Variants in MCM3AP observed in about 807,000 individuals in gnomAD.
MCM3AP encodes germinal-center associated nuclear protein.
Under a neutral mutation model 184.1 loss-of-function variants are expected in MCM3AP, and 126 were observed. The ratio of observed to expected loss-of-function variants is 0.68; its 90% CI spans 0.59 to 0.79. MCM3AP has a LOEUF of 0.79. Among genes scored for constraint, MCM3AP ranks in the 30% least tolerant of loss-of-function variants. MCM3AP has a pLI of 0.00. For synonymous variants in MCM3AP, 1,002 were observed against 979.3 expected, an observed-to-expected ratio of 1.02 and a Z score of -0.43; for missense variants, 2,496 against 2,479.2, an observed-to-expected ratio of 1.01 and a Z score of -0.14.
intron 13 of MCM3AP, among the ~76,000 whole-genome samples, chr21:46,263,826 C>G (rs1204431878): frequency 1.5e-5 from 2 of 134,906 alleles, no homozygotes; most frequent in South Asian, 5.0e-4. Flanking sequence ...ACAGTACCAC[C>G]CAGAACAATC....
intron 18 of MCM3AP, 123 bp downstream of exon 18, chr21:46,254,653 G>A (rs2080920997): frequency 7.0e-7 from 1 of 1,428,450 alleles, no homozygotes. Flanking sequence ...CTGCAAACTA[G>A]AAACCAAGTC....
At chr21:46,241,094 T>C (rs1258740199) in intron 25 of MCM3AP, 77 bp from the exon 26 acceptor site, 1 of 1,058,810 alleles carries the variant, frequency 9.4e-7, no homozygotes, top group Admixed American at 1.8e-5. Context: ...TGTAGATACA[T>C]TTGCACATGT....
intron 9 of MCM3AP, 43 bp from the exon 10 acceptor site, chr21:46,267,185 C>T: frequency 6.3e-7 from 1 of 1,577,990 alleles, no homozygotes; most frequent in Non-Finnish European, 8.6e-7. Context: ...GACGAAGGCC[C>T]AGTCAGACAC....
Position 46,246,791 on chromosome 21 carries a change from G to A in MCM3AP, c.4386C>T (p.Pro1462=), listed in dbSNP as rs759887452. 11 of 1,614,190 alleles carry A rather than the reference G, an allele frequency of 6.8e-6. No homozygotes were observed. Among genetic ancestry groups the A allele is most frequent in the African/African-American group, 1.3e-5 (1 of 75,040 alleles). The change falls in exon 21 of 28, where the codon CCC becomes CCT. Residue 1462 remains proline (P), a synonymous_variant. Coordinates refer to ENST00000291688, the MANE Select transcript of MCM3AP (RefSeq NM_003906.5). ...CTGCCATGTCCTCACTCTTCATTTT[G>A]GGGGGAAGCAGCAGCATGAGCCCAC... The part of the protein sequence containing the change: ...GASGLMLLLP[P]KMKSEDMAEE...
chr21:46,254,367 C>T, intron 19 of MCM3AP, 25 bp downstream of exon 19: 1 of 1,612,870 alleles, frequency 6.2e-7, no homozygotes, highest in Non-Finnish European at 8.5e-7. Flanking sequence ...TCTTGGAAAC[C>T]CCACAGGGGA....
chr21:46,272,513 C>T, intron 8 of MCM3AP, 48 bp downstream of exon 8: 1 of 1,578,536 alleles, frequency 6.3e-7, no homozygotes, highest in Non-Finnish European at 8.6e-7. Flanking sequence ...CTGTTTAAAG[C>T]CTGCCTTTTC....
In MCM3AP at chr21:46,274,745, G is replaced by C. The variant is rs140830255; in HGVS notation, c.1998+441C>G. On this transcript the variant is annotated intron_variant, in intron 6 of 27. Transcript: ENST00000291688. ...GAGCTTAGGAGTTCGGGACCAGCCT[G>C]GGCAACACGGCAAGACCCCATCGCT... is the stretch of plus-strand genomic sequence containing the variant. Among the ~76,000 whole-genome samples the C allele has an allele frequency of 4.1e-3, 623 of 152,074 alleles. 5 individuals carry two copies. Among genetic ancestry groups the C allele is most frequent in the African/African-American group, 0.014 (586 of 41,472 alleles).
At chr21:46,243,001 ACACAC>A in intron 24 of MCM3AP, 70 bp from the exon 25 acceptor site, 1 of 1,283,234 alleles carries the variant, frequency 7.8e-7, no homozygotes, top group Non-Finnish European at 1.0e-6. Flanking sequence ...AAAAAAAAAC[ACACAC>A]AAAAAAACAA....
At chr21:46,237,333 C>A (rs2080560369) in intron 26 of MCM3AP, among the ~76,000 whole-genome samples, 1 of 152,050 alleles carries the variant, frequency 6.6e-6, no homozygotes, top group Non-Finnish European at 1.5e-5. Flanking sequence ...GAACTCCTGA[C>A]CTCAGGTGAT....
chr21:46,261,734 A>C (rs2081044727), intron 13 of MCM3AP, among the ~76,000 whole-genome samples: 1 of 21,866 alleles, frequency 4.6e-5, no homozygotes, highest in South Asian at 1.5e-3. Flanking sequence ...CTCTGTCTCA[A>C]AAAAAAAAAA....
chr21:46,262,312 G>GC (rs1279996283), intron 13 of MCM3AP, among the ~76,000 whole-genome samples: 2 of 152,182 alleles, frequency 1.3e-5, no homozygotes, highest in African/African-American at 4.8e-5. Flanking sequence ...TATGAGGCTA[G>GC]CATTGCTCTA....
At chr21:46,247,017 A>G (rs1364987233) in intron 20 of MCM3AP, 131 bp from the exon 21 acceptor site, 3 of 870,766 alleles carry the variant, frequency 3.4e-6, no homozygotes, top group Non-Finnish European at 5.4e-6. Flanking sequence ...ACAGGCCTCC[A>G]AGGGCACAGC....
intron 13 of MCM3AP, 49 bp from the exon 14 acceptor site, chr21:46,261,460 T>G (rs772465951): frequency 7.5e-6 from 12 of 1,592,602 alleles, no homozygotes; most frequent in Non-Finnish European, 9.4e-6. Context: ...CAAGGCCGGG[T>G]GCGGTGGCTC....
intron 25 of MCM3AP, 73 bp from the exon 26 acceptor site, chr21:46,241,090 T>A: frequency 8.9e-7 from 1 of 1,118,480 alleles, no homozygotes; most frequent in South Asian, 1.3e-5. Flanking sequence ...AGCATGTAGA[T>A]ACATTTGCAC....
chr21:46,277,657 G>C lies in MCM3AP; in HGVS notation c.1728C>G (p.Asp576Glu), dbSNP rs752039396. Residue 576 changes from aspartate (D) to glutamate (E), a missense_variant, in exon 5 of 28, where the codon GAC (aspartate) becomes GAG (glutamate). Asp to Glu is a conservative substitution (Grantham distance 45). Around this residue, in one of 5 missense-constraint regions of MCM3AP, gnomAD observed 800 missense variants for 717.1 expected, o/e 1.12. Coordinates refer to ENST00000291688, the MANE Select transcript of MCM3AP (RefSeq NM_003906.5). Reference sequence around the variant, plus strand: ...GGCCCTCGGAGCCCTCGGAGGCTGAGTCAAAAGAGTCTCCCTCGAATTGGT... The same window carrying C: ...GGCCCTCGGAGCCCTCGGAGGCTGACTCAAAAGAGTCTCCCTCGAATTGGT... ...KAHQFEGDSF[D>E]SASEGSEGLG... is the part of the protein sequence containing the mutation. The C allele has an allele frequency of 6.8e-6, 11 of 1,609,306 alleles. No homozygotes were observed. The Admixed American group carries it at 1.7e-4, about 25-fold the overall frequency.
chr21:46,271,349 G>A (rs1440380181), intron 8 of MCM3AP, among the ~76,000 whole-genome samples: 6 of 143,468 alleles, frequency 4.2e-5, no homozygotes, highest in Non-Finnish European at 9.1e-5. Context: ...TTTTTTAAGA[G>A]ATAGGGTCTT....
Position 46,259,042 on chromosome 21 carries a change from C to T in MCM3AP, c.3631G>A (p.Asp1211Asn). The T allele has an allele frequency of 6.2e-7, 1 of 1,614,130 alleles. No homozygotes were observed. The highest frequency in any genetic ancestry group is 8.5e-7 in the Non-Finnish European group (1 of 1,180,020). ...AAGTCCACTAAGTGGGCACAGACAT[C>T]CTCACAGCAACGGGCCACACGGACC... ...QRVRVARCCE[D>N]VCAHLVDLFL... is the part of the protein sequence containing the mutation. The change falls in exon 16 of 28, where the codon GAT (aspartate) becomes AAT (asparagine). Residue 1211 changes from aspartate to asparagine, a missense_variant. By Grantham distance (23) the Asp-to-Asn change is conservative (BLOSUM62 1). This residue lies in a region of MCM3AP where 1,323 missense variants were observed against 1,273.4 expected (regional missense o/e 1.04). Coordinates refer to ENST00000291688, the MANE Select transcript of MCM3AP (RefSeq NM_003906.5).
In MCM3AP at chr21:46,245,336, A is replaced by G. The variant is rs2080747517; in HGVS notation, c.4648-139T>C. 4.0e-6 allele frequency: 3 copies of G among 744,478 alleles called. No individual in the cohort carries two copies. In the Admixed American group the frequency reaches 8.7e-5, roughly 21 times the overall value. The allele number at this position is 744,478 out of a possible 1,614,324, so 46.1% of individuals were successfully genotyped here. The stretch of plus-strand genomic sequence containing the variant: ...GCTCTCAACTGTGGTAGGAAGGGGA[A>G]CAGAAGTGTCCTATGCAGTTGAGTT... On this transcript the variant is annotated intron_variant, in intron 22 of 27. Coordinates refer to ENST00000291688, the MANE Select transcript of MCM3AP (RefSeq NM_003906.5).
Position 46,273,403 on chromosome 21 carries a change from C to G in MCM3AP, c.2181G>C (p.Thr727=), listed in dbSNP as rs777960568. 1 of 1,613,964 alleles carries G rather than the reference C, an allele frequency of 6.2e-7. No homozygotes were observed. The change falls in exon 7 of 28, where the codon ACG becomes ACC. Residue 727 remains threonine, a synonymous_variant. Coordinates refer to ENST00000291688, the MANE Select transcript of MCM3AP (RefSeq NM_003906.5). ...RDWYDFVWNR[T]RGIRKDITQQ... ...CAGCCAATACCTTCCGTATGCCACG[C>G]GTGCGGTTCCACACGAAGTCATACC...
Sources: allele counts gnomAD v4.1 joint callset (sites outside exome capture counted in the v4.1 genomes callset), GRCh38; gene constraint gnomAD v4.1.1; regional missense constraint gnomAD v4.1.1; transcripts MANE v1.5; gene names NCBI Gene and HGNC (gene_info 2026-07-23, HGNC 2026-07-21).